The following CNTN4 variants were observed in gnomAD, a reference collection of about 807,000 sequenced individuals.
CNTN4 encodes contactin-4.
CNTN4 carries 77 observed loss-of-function variants against 122.5 expected under a neutral mutation model. That is an observed-to-expected ratio of 0.63 (90% CI 0.52 to 0.76). The LOEUF (loss-of-function observed/expected upper bound fraction) is 0.76, where lower values mean the gene tolerates loss of function less well. CNTN4 is among the 30% of genes least tolerant of loss of function. The pLI is 0.00. For synonymous variants in CNTN4, 512 were observed against 447.0 expected (o/e 1.15, Z -1.83); for missense variants, 1,256 against 1,259.1 (o/e 1.00, Z 0.04).
intron 4 of CNTN4, among the ~76,000 whole-genome samples, chr3:2,589,475 T>C (rs929369383): frequency 2.0e-5 from 3 of 152,210 alleles, no homozygotes; most frequent in African/African-American, 7.2e-5. Context: ...AATTCTTCCT[T>C]ACTCAAGACT....
At chr3:2,418,246 T>A (rs1278000235) in intron 3 of CNTN4, among the ~76,000 whole-genome samples, 2 of 152,108 alleles carry the variant, frequency 1.3e-5, no homozygotes, top group Non-Finnish European at 2.9e-5. Flanking sequence ...AGGGCAGGCA[T>A]ATATGGAAAA....
intron 16 of CNTN4, among the ~76,000 whole-genome samples, chr3:3,032,104 C>T (rs1401091264): frequency 6.6e-6 from 1 of 151,994 alleles, no homozygotes; most frequent in East Asian, 1.9e-4. Context: ...CTTTCAATTG[C>T]CTTTAAAAAA....
At chr3:2,716,470 G>T (rs1384441142) in intron 4 of CNTN4, among the ~76,000 whole-genome samples, 1 of 151,810 alleles carries the variant, frequency 6.6e-6, no homozygotes, top group East Asian at 1.9e-4. Flanking sequence ...CTGTAAACTG[G>T]GTAGTTCATA....
intron 2 of CNTN4, among the ~76,000 whole-genome samples, chr3:2,120,355 A>G (rs1306456934): frequency 5.9e-5 from 3 of 50,668 alleles, no homozygotes; most frequent in African/African-American, 1.9e-4. Flanking sequence ...TTTAGGTTAT[A>G]TATATATATA....
intron 6 of CNTN4, among the ~76,000 whole-genome samples, chr3:2,803,241 T>G (rs2092389108): frequency 6.6e-6 from 1 of 152,210 alleles, no homozygotes; most frequent in Non-Finnish European, 1.5e-5. Flanking sequence ...GAATTATCAT[T>G]TCAGACACCA....
At chr3:2,491,174 C>T (rs1346397254) in intron 3 of CNTN4, among the ~76,000 whole-genome samples, 1 of 152,118 alleles carries the variant, frequency 6.6e-6, no homozygotes, top group Non-Finnish European at 1.5e-5. Context: ...TATCACCCAG[C>T]ACATAGTACG....
chr3:2,986,676 G>T (rs1694608892), intron 13 of CNTN4, among the ~76,000 whole-genome samples: 1 of 152,208 alleles, frequency 6.6e-6, no homozygotes, highest in Non-Finnish European at 1.5e-5. Flanking sequence ...CCCTGTTTCA[G>T]ATATTTGAAA....
chr3:2,812,261 C>T (rs543446456), intron 6 of CNTN4, among the ~76,000 whole-genome samples: 1 of 152,148 alleles, frequency 6.6e-6, no homozygotes, highest in South Asian at 2.1e-4. Flanking sequence ...CACATGTACC[C>T]CTAAACTTAA....
At chr3:2,988,517 C>A in intron 14 of CNTN4, 45 bp downstream of exon 14, 1 of 1,602,872 alleles carries the variant, frequency 6.2e-7, no homozygotes, top group South Asian at 1.1e-5. Context: ...TATGTGTCCT[C>A]GTGTCTAATA....
intron 13 of CNTN4, among the ~76,000 whole-genome samples, chr3:2,949,918 C>T (rs900976636): frequency 6.6e-6 from 1 of 152,126 alleles, no homozygotes; most frequent in African/African-American, 2.4e-5. Context: ...TCTTTAATGG[C>T]ATTTGGGTGT....
chr3:2,729,083 G>A (rs1442327636), intron 4 of CNTN4, among the ~76,000 whole-genome samples: 3 of 152,086 alleles, frequency 2.0e-5, no homozygotes, highest in Non-Finnish European at 4.4e-5. Context: ...TTGCATTTTT[G>A]TTCTTTCCCA....
chr3:2,410,536 G>C (rs1575574895), intron 3 of CNTN4, among the ~76,000 whole-genome samples: 1 of 152,218 alleles, frequency 6.6e-6, no homozygotes, highest in African/African-American at 2.4e-5. Flanking sequence ...GATATTTGAA[G>C]ATAACTTTTT....
chr3:2,227,713 G>A (rs998163610), intron 2 of CNTN4, among the ~76,000 whole-genome samples: 1 of 152,126 alleles, frequency 6.6e-6, no homozygotes, highest in Non-Finnish European at 1.5e-5. Context: ...TTAACATTAT[G>A]TAACTGTAGA....
rs185468766 is a variant in CNTN4, at chr3:2,363,678, T to G, written c.-89+24445T>G. Among the ~76,000 whole-genome samples the G allele has an allele frequency of 7.0e-4, 106 of 152,336 alleles. 1 individual carries two copies. The East Asian group carries it at 0.012, about 17-fold the overall frequency. On this transcript the variant is annotated intron_variant, in intron 3 of 24. Transcript: ENST00000418658. ...TTTTCTTTTCACTGCACTCTGATAC[T>G]GTCTACAAAAATTACCAAAGTCTAA... is the stretch of plus-strand genomic sequence containing the variant.
chr3:2,870,778 T>C (rs12638824), intron 8 of CNTN4, among the ~76,000 whole-genome samples: 3 of 152,140 alleles, frequency 2.0e-5, no homozygotes, highest in African/African-American at 7.2e-5. Flanking sequence ...CACATGTAGC[T>C]GGCAGAACTG....
At chr3:2,559,187 C>T (rs1487704234) in intron 3 of CNTN4, among the ~76,000 whole-genome samples, 1 of 152,182 alleles carries the variant, frequency 6.6e-6, no homozygotes, top group Admixed American at 6.5e-5. Flanking sequence ...AAAAAAGTCC[C>T]TTGACATACT....
chr3:2,501,417 A>G (rs193267663), intron 3 of CNTN4, among the ~76,000 whole-genome samples: 163 of 152,284 alleles, frequency 1.1e-3, no homozygotes, highest in African/African-American at 3.7e-3. Flanking sequence ...AAACAATACA[A>G]AGTTGTTCTC....
chr3:2,126,304 A>G (rs1230202674), intron 2 of CNTN4, among the ~76,000 whole-genome samples: 1 of 152,148 alleles, frequency 6.6e-6, no homozygotes, highest in Admixed American at 6.5e-5. Context: ...CTATGATTCT[A>G]TCTTGTCTCT....
At chr3:2,558,933 C>G (rs1024715787) in intron 3 of CNTN4, among the ~76,000 whole-genome samples, 1 of 152,144 alleles carries the variant, frequency 6.6e-6, no homozygotes, top group African/African-American at 2.4e-5. Context: ...TCATTTCACA[C>G]CCAGAACTAC....
Sources: allele counts gnomAD v4.1 joint callset (sites outside exome capture counted in the v4.1 genomes callset), GRCh38; gene constraint gnomAD v4.1.1; transcripts MANE v1.5; gene names NCBI Gene and HGNC (gene_info 2026-07-23, HGNC 2026-07-21).